The following OTOA variants were observed in gnomAD, a reference collection of about 807,000 sequenced individuals.
OTOA encodes otoancorin.
In OTOA, 70 loss-of-function variants were observed where a neutral mutation model predicts 110.8. That is an observed-to-expected ratio of 0.63 (90% CI 0.52 to 0.77). The LOEUF is 0.77. Among genes scored for constraint, OTOA ranks in the 30% least tolerant of loss-of-function variants. The pLI is 0.00. For missense variants in OTOA, 917 were observed against 1,075.8 expected (o/e 0.85, Z 2.06); for synonymous variants, 373 against 431.5 (o/e 0.86, Z 1.68).
At chr16:21,691,724 G>T (rs1443725988) in intron 9 of OTOA, 37 bp downstream of exon 9, 1 of 1,533,342 alleles carries the variant, frequency 6.5e-7, no homozygotes, top group Non-Finnish European at 9.0e-7. Context: ...ACTTTTTGGG[G>T]GAAGAATATC....
At chr16:21,707,634 T>TTTCTTTCTTTCTTTCC in intron 12 of OTOA, among the ~76,000 whole-genome samples, 1 of 117,296 alleles carries the variant, frequency 8.5e-6, no homozygotes, top group East Asian at 2.2e-4. Flanking sequence ...TCTTTCTTTC[T>TTTCTTTCTTTCTTTCC]TTCTTTCTTT....
At chr16:21,716,346 C>T (rs900129844) in intron 14 of OTOA, among the ~76,000 whole-genome samples, 2 of 152,074 alleles carry the variant, frequency 1.3e-5, no homozygotes, top group African/African-American at 4.8e-5. Flanking sequence ...CCAAGGTGGG[C>T]GGATCATGAG....
rs540601726 is a variant in OTOA at position 21,732,765 on chromosome 16, C to A, written c.2301+1835C>A. On this transcript the variant is annotated intron_variant, in intron 21 of 28. Coordinates refer to ENST00000646100, the MANE Select transcript of OTOA (RefSeq NM_144672.4). ...GAATTAATTTAAAGCAAATGTAAGC[C>A]AAGTTTATATGTAAGAGAAGTGTAA... Among the ~76,000 whole-genome samples, 5 of 148,096 alleles carry A rather than the reference C, an allele frequency of 3.4e-5. No homozygotes were observed. The East Asian group carries it at 1.0e-3, about 30-fold the overall frequency.
chr16:21,759,199 G>T (rs1054020550), intron 28 of OTOA, among the ~76,000 whole-genome samples: 1 of 152,114 alleles, frequency 6.6e-6, no homozygotes, highest in African/African-American at 2.4e-5. Flanking sequence ...CAGCCACCCT[G>T]TTCCCTCCCC....
At chr16:21,684,574 T>G in intron 6 of OTOA, 1 of 1,535,874 alleles carries the variant, frequency 6.5e-7, no homozygotes, top group Non-Finnish European at 8.8e-7. Context: ...AATGGGGGAA[T>G]CGGGCTGGCT....
chr16:21,680,853 C>CAA (rs1229330756), intron 5 of OTOA, among the ~76,000 whole-genome samples: 6 of 70,810 alleles, frequency 8.5e-5, no homozygotes, highest in East Asian at 3.6e-4. Context: ...ACTCTGTCTC[C>CAA]AAAAAAAAAA....
intron 28 of OTOA, among the ~76,000 whole-genome samples, chr16:21,758,114 G>A (rs2141768889): frequency 6.6e-6 from 1 of 151,918 alleles, no homozygotes; most frequent in East Asian, 1.9e-4. Context: ...CCTCCCCAGG[G>A]AGTGGCATTG....
In OTOA at chr16:21,691,836, T is replaced by C. The variant is rs1004361064; in HGVS notation, c.739+149T>C. 3 of 708,608 alleles carry C rather than the reference T, an allele frequency of 4.2e-6. No homozygotes were observed. In the African/African-American group the frequency reaches 5.3e-5, roughly 12 times the overall value. The allele number at this position is 708,608 out of a possible 1,614,324, so 43.9% of individuals were successfully genotyped here. A position where few individuals can be genotyped will look rare whatever the true frequency, so the allele number is the denominator to read the frequency against. On this transcript the variant is annotated intron_variant, in intron 9 of 28. Transcript: ENST00000646100. The stretch of plus-strand genomic sequence containing the variant: ...TCGAAAAACAGTTTGATGTGGCTTA[T>C]GGAGTAAAACACATACTCCATTTCG...
chr16:21,706,060 A>G (rs1423040236), intron 12 of OTOA, among the ~76,000 whole-genome samples: 1 of 152,034 alleles, frequency 6.6e-6, no homozygotes, highest in African/African-American at 2.4e-5. Flanking sequence ...TTTGCACTCT[A>G]GTTGGATGAC....
intron 1 of OTOA, among the ~76,000 whole-genome samples, chr16:21,671,586 CAAAAAA>C (rs369010025): frequency 5.1e-5 from 4 of 78,516 alleles, no homozygotes; most frequent in Non-Finnish European, 1.0e-4. Context: ...GACTCCATAT[CAAAAAA>C]AAAAAAAAGA....
At chr16:21,744,250 G>A (rs1899580736) in intron 23 of OTOA, among the ~76,000 whole-genome samples, 1 of 150,718 alleles carries the variant, frequency 6.6e-6, no homozygotes, top group South Asian at 2.1e-4. Context: ...AGTGAGTCTT[G>A]TGCCTCAGCC....
In OTOA at chr16:21,736,311, C is replaced by T; in HGVS notation, c.2352C>T (p.Pro784=). Residue 784 remains proline (P), a synonymous_variant, in exon 22 of 29, where the codon CCC becomes CCT. Transcript: ENST00000646100. ...CTTCCAAGATGGCCAGGACCCTGCC[C>T]ACTAAAGAATTCCTCTGGGCTGTCT... ...QAASKMARTL[P]TKEFLWAVFQ... 1.2e-6 allele frequency: 2 copies of T among 1,614,156 alleles called. No individual in the cohort carries two copies. Among genetic ancestry groups the T allele is most frequent in the East Asian group, 2.2e-5 (1 of 44,890 alleles).
chr16:21,698,782 T>C (rs1897993741), intron 10 of OTOA, among the ~76,000 whole-genome samples: 1 of 152,074 alleles, frequency 6.6e-6, no homozygotes, highest in Non-Finnish European at 1.5e-5. Flanking sequence ...TGCCATTTAC[T>C]CTCTCAATGT....
intron 13 of OTOA, among the ~76,000 whole-genome samples, chr16:21,714,075 GA>G (rs1252134704): frequency 1.3e-5 from 2 of 151,948 alleles, no homozygotes; most frequent in Admixed American, 6.6e-5. Context: ...ATTATACACA[GA>G]ATAACTAAAG....
intron 15 of OTOA, among the ~76,000 whole-genome samples, chr16:21,718,244 C>T (rs932000525): frequency 6.6e-6 from 1 of 152,166 alleles, no homozygotes; most frequent in African/African-American, 2.4e-5. Context: ...AGGCGTGAAC[C>T]AGGGCACCCA....
intron 9 of OTOA, among the ~76,000 whole-genome samples, chr16:21,692,378 G>C (rs1191354560): frequency 6.6e-6 from 1 of 151,924 alleles, no homozygotes; most frequent in Non-Finnish European, 1.5e-5. Context: ...AGGAAATCTA[G>C]GCAATAAAAC....
intron 1 of OTOA, among the ~76,000 whole-genome samples, chr16:21,673,358 C>A (rs746769579): frequency 1.3e-5 from 2 of 152,044 alleles, no homozygotes; most frequent in African/African-American, 4.8e-5. Flanking sequence ...TATTTTATAT[C>A]GTTTTCTTCA....
At chr16:21,669,297 C>T (rs748660240) in intron 1 of OTOA, among the ~76,000 whole-genome samples, 9 of 151,932 alleles carry the variant, frequency 5.9e-5, no homozygotes, top group Non-Finnish European at 1.2e-4. Context: ...GAGCTGAGAT[C>T]GTGCCACTGC....
chr16:21,685,117 A>T, intron 6 of OTOA, 113 bp from the exon 7 acceptor site: 1 of 1,411,900 alleles, frequency 7.1e-7, no homozygotes, highest in Non-Finnish European at 9.8e-7. Flanking sequence ...GCTGGCCACT[A>T]GTTGTGGTCT....
Sources: allele counts gnomAD v4.1 joint callset (sites outside exome capture counted in the v4.1 genomes callset), GRCh38; gene constraint gnomAD v4.1.1; transcripts MANE v1.5; gene names NCBI Gene and HGNC (gene_info 2026-07-23, HGNC 2026-07-21).